Variants in TYW1B observed in about 807,000 individuals in gnomAD.
TYW1B encodes S-adenosyl-L-methionine-dependent tRNA 4-demethylwyosine synthase TYW1B.
A neutral mutation model predicts 86.9 loss-of-function variants in TYW1B; 73 were observed. That is an observed-to-expected ratio of 0.84 (90% CI 0.70 to 1.02). TYW1B has a LOEUF of 1.02. Among genes scored for constraint, TYW1B ranks in the 50% least tolerant of loss-of-function variants. TYW1B has a pLI of 0.00. For synonymous variants in TYW1B, 248 were observed against 292.8 expected (o/e 0.85, Z 1.56); for missense variants, 637 against 827.4 (o/e 0.77, Z 2.82).
chr7:72,773,577 T>C (rs1442295093), intron 7 of TYW1B, among the ~76,000 whole-genome samples: 1 of 152,106 alleles, frequency 6.6e-6, no homozygotes, highest in East Asian at 1.9e-4. Flanking sequence ...GTTTGCAGGA[T>C]TGAAAGCTAG....
chr7:72,655,095 C>T (rs1730162137), intron 11 of TYW1B, among the ~76,000 whole-genome samples: 1 of 152,004 alleles, frequency 6.6e-6, no homozygotes, highest in Non-Finnish European at 1.5e-5. Context: ...ACCTCCTCCA[C>T]AAAGAAGGAC....
chr7:72,649,715 T>G (rs1463629346), intron 11 of TYW1B, among the ~76,000 whole-genome samples: 1 of 152,126 alleles, frequency 6.6e-6, no homozygotes, highest in East Asian at 1.9e-4. Flanking sequence ...TAAAGGAATA[T>G]AGGGCAGCCC....
chr7:72,810,566 A>G lies in TYW1B; in HGVS notation c.337T>C (p.Ser113Pro), dbSNP rs1788589894. 6.2e-7 allele frequency: 1 copy of G among 1,613,760 alleles called. No homozygotes were observed. Among genetic ancestry groups the G allele is most frequent in the Non-Finnish European group, 8.5e-7 (1 of 1,179,862 alleles). Residue 113 changes from serine (S) to proline (P), a missense_variant, in exon 4 of 14, where the codon TCC becomes CCC. Coordinates refer to ENST00000620995, the MANE Select transcript of TYW1B (RefSeq NM_001145440.3). Reference protein sequence around the residue: ...EWFCKWLEEASIDFRFGKTYL... With the variant: ...EWFCKWLEEAPIDFRFGKTYL... ...GTTTTGCCAAATCGAAAATCAATGG[A>G]TGCTTCCTCTAACCATTTGCAGAAC...
chr7:72,807,317 C>G lies in TYW1B; in HGVS notation c.472G>C (p.Val158Leu). 1 of 1,614,014 alleles carries G rather than the reference C, an allele frequency of 6.2e-7. No homozygotes were observed. The highest frequency in any genetic ancestry group is 1.1e-5 in the South Asian group (1 of 91,080). ...NVDKWLWMLG[V>L]HRVMSRGEGD... Reference sequence around the variant, plus strand: ...TCCCCTCGACTCATCACACGATGCACGCCAAGCATCCAGAGCCACTTGTCA... The same window carrying G: ...TCCCCTCGACTCATCACACGATGCAGGCCAAGCATCCAGAGCCACTTGTCA... Residue 158 changes from valine to leucine, a missense_variant, in exon 5 of 14, where the codon GTG (valine) becomes CTG (leucine). Transcript: ENST00000620995.
At chr7:72,632,387 C>T (rs536111591) in intron 11 of TYW1B, among the ~76,000 whole-genome samples, 2,153 of 73,880 alleles carry the variant, frequency 0.029, 53 homozygotes, top group Middle Eastern at 0.073. Context: ...TATATATATA[C>T]GTATATATAT....
chr7:72,642,358 G>A (rs2129569041), intron 11 of TYW1B, among the ~76,000 whole-genome samples: 1 of 152,318 alleles, frequency 6.6e-6, no homozygotes, highest in Admixed American at 6.5e-5. Context: ...ACTTTTCAAA[G>A]TTAAAACTTT....
At chr7:72,645,367 TTGTC>T (rs1379920585) in intron 11 of TYW1B, among the ~76,000 whole-genome samples, 11 of 152,192 alleles carry the variant, frequency 7.2e-5, no homozygotes, top group Admixed American at 7.2e-4. Context: ...GGCCTTGCGA[TTGTC>T]TGGCACTATC....
chr7:72,736,450 T>C (rs1787198551), intron 8 of TYW1B, among the ~76,000 whole-genome samples: 1 of 152,238 alleles, frequency 6.6e-6, no homozygotes, highest in African/African-American at 2.4e-5. Flanking sequence ...GCACAGGTCT[T>C]TGAATAAATT....
intron 13 of TYW1B, among the ~76,000 whole-genome samples, chr7:72,576,101 C>G (rs1811016282): frequency 6.6e-6 from 1 of 152,238 alleles, no homozygotes; most frequent in Non-Finnish European, 1.5e-5. Context: ...GCTGTGTTAA[C>G]AGCATCTCGT....
chr7:72,812,810 C>T (rs1269731795), intron 3 of TYW1B, among the ~76,000 whole-genome samples: 2 of 151,798 alleles, frequency 1.3e-5, no homozygotes, highest in Non-Finnish European at 2.9e-5. Flanking sequence ...ATTCTCATGC[C>T]TCAGCCTCCC....
intron 13 of TYW1B, among the ~76,000 whole-genome samples, chr7:72,579,229 T>G (rs1554429271): frequency 1.3e-5 from 2 of 152,238 alleles, no homozygotes; most frequent in Middle Eastern, 6.8e-3. Flanking sequence ...CTAATGCAGT[T>G]TGAAAACTTC....
At chr7:72,754,996 AC>A (rs1291363491) in intron 7 of TYW1B, among the ~76,000 whole-genome samples, 7 of 152,224 alleles carry the variant, frequency 4.6e-5, no homozygotes, top group Non-Finnish European at 8.8e-5. Flanking sequence ...AACAAAAGGC[AC>A]TGAGTCTGAT....
chr7:72,823,947 A>G (rs1788879956), intron 2 of TYW1B, among the ~76,000 whole-genome samples: 1 of 152,200 alleles, frequency 6.6e-6, no homozygotes, highest in African/African-American at 2.4e-5. Flanking sequence ...TATTCGTTTG[A>G]TCTTTTTGAT....
At chr7:72,624,639 G>A (rs572535903) in intron 12 of TYW1B, among the ~76,000 whole-genome samples, 3 of 152,252 alleles carry the variant, frequency 2.0e-5, no homozygotes, top group Non-Finnish European at 4.4e-5. Context: ...CAGTGACCAG[G>A]CATTTGACAT....
intron 13 of TYW1B, among the ~76,000 whole-genome samples, chr7:72,612,745 C>A (rs1320636259): frequency 2.0e-5 from 3 of 151,990 alleles, no homozygotes; most frequent in Non-Finnish European, 4.4e-5. Context: ...AAAACCATTT[C>A]TTTTATTTAT....
chr7:72,627,231 C>G (rs1812367451), intron 12 of TYW1B, among the ~76,000 whole-genome samples: 1 of 151,980 alleles, frequency 6.6e-6, no homozygotes, highest in East Asian at 1.9e-4. Flanking sequence ...GTGGATCACT[C>G]AAGGTCAGGA....
chr7:72,620,184 G>A (rs2129568501), intron 12 of TYW1B, among the ~76,000 whole-genome samples: 1 of 152,096 alleles, frequency 6.6e-6, no homozygotes, highest in Middle Eastern at 3.4e-3. Flanking sequence ...ATCACTTGAG[G>A]TCAGGAATTC....
intron 11 of TYW1B, among the ~76,000 whole-genome samples, chr7:72,640,625 T>C (rs1812780046): frequency 6.6e-6 from 1 of 151,940 alleles, no homozygotes; most frequent in African/African-American, 2.4e-5. Flanking sequence ...TATGTAACAA[T>C]TCTTAACTAG....
At chr7:72,615,988 T>C (rs191185470) in intron 13 of TYW1B, among the ~76,000 whole-genome samples, 252 of 152,184 alleles carry the variant, frequency 1.7e-3, no homozygotes, top group African/African-American at 5.7e-3. Context: ...GTCTAACATA[T>C]GTTTAATTGG....
Sources: allele counts gnomAD v4.1 joint callset (sites outside exome capture counted in the v4.1 genomes callset), GRCh38; gene constraint gnomAD v4.1.1; transcripts MANE v1.5; gene names NCBI Gene and HGNC (gene_info 2026-07-23, HGNC 2026-07-21).